Variants in RNF14 observed in about 807,000 individuals in gnomAD.
RNF14 encodes the protein ring finger protein 14, also known as E3 ubiquitin-protein ligase RNF14.
In RNF14, 26 loss-of-function variants were observed where a neutral mutation model predicts 52.6. The ratio of observed to expected loss-of-function variants is 0.49; its 90% CI spans 0.36 to 0.69. RNF14 has a LOEUF of 0.69. Among genes scored for constraint, RNF14 ranks in the 30% least tolerant of loss-of-function variants. The pLI, the probability that RNF14 is intolerant of heterozygous loss-of-function variation, is 0.00. For missense variants in RNF14, 404 were observed against 560.4 expected (o/e 0.72, Z 2.82); for synonymous variants, 194 against 202.0 (o/e 0.96, Z 0.34).
chr5:141,985,000 C>T lies in RNF14; in HGVS notation c.1367+67C>T, dbSNP rs1755111669. ...GGTACTTGATTTGCAGACCACAAAT[C>T]CAGTGTTTTATTTAAGTACTTGGAC... On this transcript the variant is annotated intron_variant, in intron 8 of 8. Coordinates refer to ENST00000394520, the MANE Select transcript of RNF14 (RefSeq NM_004290.5). 3 of 1,405,426 alleles carry T rather than the reference C, an allele frequency of 2.1e-6. No homozygotes were observed. The South Asian group carries it at 3.8e-5, about 18-fold the overall frequency. The allele number at this position is 1,405,426 out of a possible 1,614,324, so 87.1% of individuals were successfully genotyped here.
At chr5:141,972,935 G>A (rs1753918115) in intron 2 of RNF14, among the ~76,000 whole-genome samples, 1 of 152,094 alleles carries the variant, frequency 6.6e-6, no homozygotes, top group South Asian at 2.1e-4. Context: ...CCACTTTTGC[G>A]AACCAGGCAC....
upstream of RNF14, among the ~76,000 whole-genome samples, chr5:141,963,960 C>A (rs929289656): frequency 2.6e-5 from 4 of 152,210 alleles, no homozygotes; most frequent in Admixed American, 6.5e-5. Flanking sequence ...TCTCACCCCT[C>A]TTTCCTCCTT....
upstream of RNF14, chr5:141,963,252 T>G (rs565905615): frequency 5.3e-5 from 8 of 152,350 alleles, no homozygotes; most frequent in East Asian, 1.3e-3. Context: ...GGTTGCCAGA[T>G]TTAGTAAATA....
upstream of RNF14, among the ~76,000 whole-genome samples, chr5:141,953,956 T>TATGG (rs1753132369): frequency 6.6e-6 from 1 of 152,218 alleles, no homozygotes; most frequent in Non-Finnish European, 1.5e-5. Context: ...CAGAAGCAGA[T>TATGG]ATGGGTGTGA....
chr5:141,961,984 A>G (rs1753278497), upstream of RNF14, among the ~76,000 whole-genome samples: 1 of 152,174 alleles, frequency 6.6e-6, no homozygotes, highest in Non-Finnish European at 1.5e-5. Context: ...ATCACCACCA[A>G]GACAGCTTTG....
intron 8 of RNF14, 128 bp downstream of exon 8, chr5:141,985,061 A>C: frequency 1.1e-6 from 1 of 870,830 alleles, no homozygotes; most frequent in Non-Finnish European, 1.8e-6. Flanking sequence ...TTTCCCCTAT[A>C]AAGGAATTTT....
At chr5:141,962,580 A>C (rs1428160869), upstream of RNF14, among the ~76,000 whole-genome samples, 1 of 152,196 alleles carries the variant, frequency 6.6e-6, no homozygotes, top group Non-Finnish European at 1.5e-5. Context: ...AGATTTCTGC[A>C]ATCTGAGAAA....
In RNF14 at chr5:141,979,398, G is replaced by A. The variant is rs181106982; in HGVS notation, c.834+568G>A. Among the ~76,000 whole-genome samples, 1,042 of 152,092 alleles carry A rather than the reference G, an allele frequency of 6.9e-3. 9 individuals are homozygous for A. The highest frequency in any genetic ancestry group is 0.024 in the African/African-American group (985 of 41,446). On this transcript the variant is annotated intron_variant, in intron 5 of 8. Coordinates refer to ENST00000394520, the MANE Select transcript of RNF14 (RefSeq NM_004290.5). ...CAAGTAGCTGGGATTACAGGCACCC[G>A]CCACCATGCCCGGCTAATTTTTTTT... is the stretch of plus-strand genomic sequence containing the variant.
chr5:141,955,265 G>A, upstream of RNF14: 1 of 1,614,208 alleles, frequency 6.2e-7, no homozygotes, highest in Non-Finnish European at 8.5e-7. The surrounding 1 kb of genome is among the most constrained non-coding windows in gnomAD (Gnocchi z 5.5). Context: ...GGAAGGTTCA[G>A]GTTCTCCCGG....
rs199517606 is a variant in RNF14, at chr5:141,969,976, T to C, written c.-180-728T>C. 1.7e-4 allele frequency among the ~76,000 whole-genome samples: 26 copies of C among 152,344 alleles called. No homozygotes were observed. In the East Asian group the frequency reaches 4.8e-3, roughly 28 times the overall value. On this transcript the variant is annotated intron_variant, in intron 1 of 8. Transcript: ENST00000394520. The stretch of plus-strand genomic sequence containing the variant: ...TCCCACCTAGTAAAATAAGACAATG[T>C]GAAAGGACCTAATACAGTACATAGT...
chr5:141,951,736 C>G, the RNF14 span: 1 of 673,804 alleles, frequency 1.5e-6, no homozygotes, highest in Admixed American at 2.2e-5. Context: ...GGGATGGTGC[C>G]CAGTGACAGA....
At chr5:141,955,446 C>T (rs145015864), upstream of RNF14, 164 of 1,614,038 alleles carry the variant, frequency 1.0e-4, no homozygotes, top group East Asian at 1.6e-4. This position sits in a 1 kb window ranked among gnomAD's most constrained non-coding sequence, Gnocchi z 5.5. Context: ...CTTCCATCAT[C>T]GCCTCCTTGT....
rs11746000 is a variant in RNF14 at position 141,984,673 on chromosome 5, C to G, written c.1237-130C>G. 6 of 740,590 alleles carry G rather than the reference C, an allele frequency of 8.1e-6. No individual in the cohort carries two copies. In the African/African-American group the frequency reaches 8.8e-5, roughly 11 times the overall value. The allele number at this position is 740,590 out of a possible 1,614,324, so 45.9% of individuals were successfully genotyped here. ...GAATTACATAGTCATCAGTGTGTTA[C>G]ATTGATATCTCAACCCTGCATAAGA... On this transcript the variant is annotated intron_variant, in intron 7 of 8. Coordinates refer to ENST00000394520, the MANE Select transcript of RNF14 (RefSeq NM_004290.5).
intron 4 of RNF14, among the ~76,000 whole-genome samples, chr5:141,977,458 A>G (rs1478480841): frequency 6.6e-6 from 1 of 152,260 alleles, no homozygotes; most frequent in African/African-American, 2.4e-5. Flanking sequence ...CCTAAAAAAG[A>G]AAAGCTGCTT....
chr5:141,978,824 T>C lies in RNF14; in HGVS notation c.828T>C (p.Pro276=). 2 of 1,613,276 alleles carry C rather than the reference T, an allele frequency of 1.2e-6. No individual in the cohort carries two copies. Among genetic ancestry groups the C allele is most frequent in the Non-Finnish European group, 1.7e-6 (2 of 1,179,282 alleles). The part of the protein sequence containing the change: ...PEPKCPSVAT[P]GQVKELVEAE... Reference sequence around the variant, plus strand: ...CAAAGTGCCCTTCGGTGGCCACTCCTGGTCAGGTAACTGTTTACCCTGCTG... The same window carrying C: ...CAAAGTGCCCTTCGGTGGCCACTCCCGGTCAGGTAACTGTTTACCCTGCTG... Residue 276 remains proline (P), a synonymous_variant, in exon 5 of 9, where the codon CCT becomes CCC. Coordinates refer to ENST00000394520, the MANE Select transcript of RNF14 (RefSeq NM_004290.5).
chr5:141,981,918 T>C (rs1596701262), intron 6 of RNF14, among the ~76,000 whole-genome samples: 1 of 152,206 alleles, frequency 6.6e-6, no homozygotes, highest in Non-Finnish European at 1.5e-5. Context: ...AGTTATTACT[T>C]GCTAATGTTA....
In RNF14 at chr5:141,983,549, A is replaced by C. The variant is rs771394669; in HGVS notation, c.1233A>C (p.Ile411=). 1 of 1,609,224 alleles carries C rather than the reference A, an allele frequency of 6.2e-7. No individual in the cohort carries two copies. The highest frequency in any genetic ancestry group is 8.5e-7 in the Non-Finnish European group (1 of 1,179,158). Residue 411 remains isoleucine (I), a synonymous_variant, in exon 7 of 9, where the codon ATA becomes ATC. Coordinates refer to ENST00000394520, the MANE Select transcript of RNF14 (RefSeq NM_004290.5). ...SKSCPCCGTP[I]EKLDGCNKMT... is the part of the protein sequence containing the mutation. ...GCTGCCCATGTTGTGGAACTCCCAT[A>C]GAGGTAAATGTTTTGGGACAGACTT...
the RNF14 span, chr5:141,949,652 C>T: frequency 6.5e-7 from 1 of 1,544,728 alleles, no homozygotes; most frequent in African/African-American, 1.4e-5. Context: ...CATGCCCATT[C>T]ATGTTTGCAT....
chr5:141,961,386 A>C (rs1360310016), intron 1 of RNF14, among the ~76,000 whole-genome samples: 1 of 152,182 alleles, frequency 6.6e-6, no homozygotes, highest in African/African-American at 2.4e-5. Flanking sequence ...ACAAGGCCCC[A>C]GACTTTTTTA....
Sources: allele counts gnomAD v4.1 joint callset (sites outside exome capture counted in the v4.1 genomes callset), GRCh38; gene constraint gnomAD v4.1.1; non-coding constraint Gnocchi (gnomAD v3.1); transcripts MANE v1.5; gene names NCBI Gene and HGNC (gene_info 2026-07-23, HGNC 2026-07-21).